PTPRT: variants seen among roughly 807,000 people sequenced by gnomAD.
PTPRT encodes the protein receptor-type tyrosine-protein phosphatase T.
PTPRT carries 56 observed loss-of-function variants against 176.8 expected under a neutral mutation model. The ratio of observed to expected loss-of-function variants is 0.32; its 90% CI spans 0.26 to 0.40. The LOEUF (loss-of-function observed/expected upper bound fraction) is 0.40. Ranked by LOEUF, PTPRT falls within the 10% of genes least tolerant of loss-of-function variation. The pLI, the probability that PTPRT is intolerant of heterozygous loss-of-function variation, is 1.00. For synonymous variants in PTPRT, 783 were observed against 739.0 expected (o/e 1.06, Z -0.96); for missense variants, 1,540 against 1,908.2 (o/e 0.81, Z 3.60).
chr20:42,818,373 A>T (rs1333258890), intron 2 of PTPRT, among the ~76,000 whole-genome samples: 1 of 151,374 alleles, frequency 6.6e-6, no homozygotes, highest in African/African-American at 2.4e-5. Context: ...CAAAAAAAAA[A>T]CCCATTCAAG....
intron 12 of PTPRT, among the ~76,000 whole-genome samples, chr20:42,294,505 G>C (rs1000253891): frequency 6.6e-6 from 1 of 151,662 alleles, no homozygotes; most frequent in Non-Finnish European, 1.5e-5. Flanking sequence ...CAAAATCATC[G>C]ACTGAAAAAA....
At chr20:43,008,346 A>T (rs1984959008) in intron 1 of PTPRT, among the ~76,000 whole-genome samples, 1 of 152,144 alleles carries the variant, frequency 6.6e-6, no homozygotes, top group South Asian at 2.1e-4. Flanking sequence ...CACTCTCCAA[A>T]CACCAGATCT....
At chr20:42,780,990 T>C (rs1179631701) in intron 3 of PTPRT, among the ~76,000 whole-genome samples, 1 of 152,158 alleles carries the variant, frequency 6.6e-6, no homozygotes, top group East Asian at 1.9e-4. Context: ...CCAATGGCCT[T>C]CTTCAATCCA....
At chr20:42,653,402 G>T (rs1388141551) in intron 7 of PTPRT, among the ~76,000 whole-genome samples, 1 of 152,168 alleles carries the variant, frequency 6.6e-6, no homozygotes, top group African/African-American at 2.4e-5. Context: ...CACACCTTCA[G>T]TCTTGTATGG....
chr20:42,117,727 A>C (rs1028131188), intron 21 of PTPRT, among the ~76,000 whole-genome samples: 8 of 152,184 alleles, frequency 5.3e-5, no homozygotes, highest in Non-Finnish European at 1.2e-4. Context: ...GTAGAAGAGA[A>C]CATGAGTGAA....
chr20:42,704,936 T>C (rs897063315), intron 6 of PTPRT, among the ~76,000 whole-genome samples: 1 of 152,158 alleles, frequency 6.6e-6, no homozygotes, highest in South Asian at 2.1e-4. Flanking sequence ...CCGGGCGTGG[T>C]GGCTCATACC....
intron 1 of PTPRT, among the ~76,000 whole-genome samples, chr20:42,987,053 G>T (rs1048980550): frequency 6.6e-6 from 1 of 152,138 alleles, no homozygotes; most frequent in African/African-American, 2.4e-5. Context: ...GGCACAAGAG[G>T]CCACAGAACT....
At chr20:42,550,104 C>T (rs1224703934) in intron 7 of PTPRT, among the ~76,000 whole-genome samples, 1 of 152,138 alleles carries the variant, frequency 6.6e-6, no homozygotes, top group Non-Finnish European at 1.5e-5. Context: ...ATAGCTATCG[C>T]TTTGTCTTCT....
intron 1 of PTPRT, among the ~76,000 whole-genome samples, chr20:42,888,752 A>G (rs1333834050): frequency 6.6e-6 from 1 of 152,300 alleles, no homozygotes; most frequent in East Asian, 1.9e-4. Context: ...TTCTAGAAAC[A>G]TTCAACAAGT....
chr20:42,294,207 C>T (rs1174407698), intron 12 of PTPRT, among the ~76,000 whole-genome samples: 1 of 152,074 alleles, frequency 6.6e-6, no homozygotes. Flanking sequence ...AAAATACGTT[C>T]CAGAAAGACA....
Position 42,816,312 on chromosome 20 carries a change from A to T in PTPRT, c.215-24846T>A, listed in dbSNP as rs1486898353. ...CATTCTCCTTTGAGAGGTAGAGAAG[A>T]TATGCTCGAGTCCAGCAGAAAAGGA... On this transcript the variant is annotated intron_variant, in intron 2 of 30. Coordinates refer to ENST00000373187, the MANE Select transcript of PTPRT (RefSeq NM_007050.6). 7.2e-5 allele frequency among the ~76,000 whole-genome samples: 11 copies of T among 152,326 alleles called. No individual in the cohort carries two copies. In the East Asian group the frequency reaches 2.1e-3, roughly 29 times the overall value.
chr20:43,043,142 G>A (rs889749552), intron 1 of PTPRT, among the ~76,000 whole-genome samples: 2 of 152,166 alleles, frequency 1.3e-5, no homozygotes, highest in African/African-American at 4.8e-5. Context: ...AAAGCGAGGT[G>A]CACCAGATGC....
At chr20:42,127,238 T>C (rs1247407942) in intron 19 of PTPRT, among the ~76,000 whole-genome samples, 1 of 152,188 alleles carries the variant, frequency 6.6e-6, no homozygotes, top group Non-Finnish European at 1.5e-5. Flanking sequence ...GTGGGCTGAC[T>C]GGCAGGAGAC....
At chr20:42,872,435 T>C (rs1229726203) in intron 2 of PTPRT, among the ~76,000 whole-genome samples, 1 of 152,176 alleles carries the variant, frequency 6.6e-6, no homozygotes, top group Admixed American at 6.5e-5. Context: ...GAGATTTATC[T>C]TTCTGTGAAG....
chr20:42,802,610 A>AT (rs1000667648), intron 2 of PTPRT, among the ~76,000 whole-genome samples: 8 of 152,344 alleles, frequency 5.3e-5, no homozygotes, highest in Non-Finnish European at 8.8e-5. Flanking sequence ...CTGACAGCTT[A>AT]TTTTTTTAAC....
At chr20:42,887,406 A>G (rs1018685693) in intron 1 of PTPRT, among the ~76,000 whole-genome samples, 9 of 152,174 alleles carry the variant, frequency 5.9e-5, no homozygotes, top group African/African-American at 1.7e-4. Context: ...CAATGTCTCG[A>G]TCTTATACTT....
At chr20:42,571,594 T>C (rs1025997214) in intron 7 of PTPRT, among the ~76,000 whole-genome samples, 1 of 152,196 alleles carries the variant, frequency 6.6e-6, no homozygotes, top group Non-Finnish European at 1.5e-5. Flanking sequence ...AATGAAACTG[T>C]TCACGTAGTT....
At chr20:42,283,542 T>A (rs988291058) in intron 12 of PTPRT, among the ~76,000 whole-genome samples, 1 of 152,066 alleles carries the variant, frequency 6.6e-6, no homozygotes, top group Non-Finnish European at 1.5e-5. Context: ...CCATTCAAAC[T>A]ACCTGTCCAA....
At chr20:42,804,959 T>C (rs1028886583) in intron 2 of PTPRT, among the ~76,000 whole-genome samples, 7 of 152,308 alleles carry the variant, frequency 4.6e-5, no homozygotes, top group African/African-American at 1.7e-4. Context: ...CATTTTGAGA[T>C]ACTGGGAGTG....
Sources: gnomAD v4.1 joint callset for allele counts (sites outside exome capture counted in the v4.1 genomes callset) on GRCh38, gnomAD v4.1.1 for gene constraint, MANE v1.5 for transcripts, NCBI Gene and HGNC (gene_info 2026-07-23, HGNC 2026-07-21) for gene names.